The following HDAC4 variants were observed in gnomAD, a reference collection of about 807,000 sequenced individuals.
HDAC4 encodes the protein histone deacetylase 4, also known as histone deacetylase A.
A neutral mutation model predicts 135.1 loss-of-function variants in HDAC4; 16 were observed. The observed-to-expected ratio is 0.12, with a 90% CI of 0.08 to 0.18. The LOEUF is 0.18. HDAC4 is among the 10% of genes least tolerant of loss of function. The pLI, the probability that HDAC4 is intolerant of heterozygous loss-of-function variation, is 1.00. For synonymous variants in HDAC4, 685 were observed against 653.4 expected, an observed-to-expected ratio of 1.05 and a Z score of -0.74; for missense variants, 1,143 against 1,511.8, an observed-to-expected ratio of 0.76 and a Z score of 4.05.
chr2:239,136,553 C>T (rs2040969928), intron 9 of HDAC4, among the ~76,000 whole-genome samples: 1 of 152,196 alleles, frequency 6.6e-6, no homozygotes. Flanking sequence ...CTCTGCTCAA[C>T]TAAAAAGCTT....
intron 2 of HDAC4, among the ~76,000 whole-genome samples, chr2:239,264,524 C>A (rs899353319): frequency 2.6e-5 from 4 of 152,218 alleles, no homozygotes; most frequent in Non-Finnish European, 5.9e-5. Context: ...GGACAGCCAA[C>A]CACATGCGAC....
chr2:239,152,404 T>C (rs1042030238), intron 7 of HDAC4, among the ~76,000 whole-genome samples: 1 of 152,212 alleles, frequency 6.6e-6, no homozygotes, highest in African/African-American at 2.4e-5. Flanking sequence ...TGCACAGACA[T>C]GGGAAGGGAC....
At chr2:239,241,190 C>A (rs1430636269) in intron 2 of HDAC4, among the ~76,000 whole-genome samples, 1 of 152,084 alleles carries the variant, frequency 6.6e-6, no homozygotes, top group Non-Finnish European at 1.5e-5. Flanking sequence ...AATACCGACA[C>A]ACAAGAAAGG....
chr2:239,119,942 T>G (rs1575096848), intron 12 of HDAC4, among the ~76,000 whole-genome samples: 1 of 144,776 alleles, frequency 6.9e-6, no homozygotes, highest in African/African-American at 2.5e-5. Flanking sequence ...GACAGGAGAG[T>G]GAGCAGGAGG....
chr2:239,394,544 C>T (rs1696440943), intron 1 of HDAC4, among the ~76,000 whole-genome samples: 1 of 152,232 alleles, frequency 6.6e-6, no homozygotes, highest in Non-Finnish European at 1.5e-5. Flanking sequence ...GTGTTGAAGG[C>T]CCTTCTCCCT....
At chr2:239,153,944 T>A (rs1011375647) in intron 7 of HDAC4, among the ~76,000 whole-genome samples, 1 of 152,254 alleles carries the variant, frequency 6.6e-6, no homozygotes, top group African/African-American at 2.4e-5. Flanking sequence ...CCGTCTCCCA[T>A]GCTGATAGCC....
At chr2:239,205,017 TCC>T (rs1324530251) in intron 3 of HDAC4, among the ~76,000 whole-genome samples, 1 of 152,084 alleles carries the variant, frequency 6.6e-6, no homozygotes, top group Non-Finnish European at 1.5e-5. Flanking sequence ...CCTTCCCCCG[TCC>T]CCGAGCCGCC....
chr2:239,097,683 G>C (rs1312062648), intron 16 of HDAC4, among the ~76,000 whole-genome samples: 2 of 152,190 alleles, frequency 1.3e-5, no homozygotes, highest in Non-Finnish European at 1.5e-5. Flanking sequence ...GTGGGCAAGA[G>C]AGCTAGTGCG....
chr2:239,208,347 A>G (rs2046181009), intron 3 of HDAC4, among the ~76,000 whole-genome samples: 1 of 151,010 alleles, frequency 6.6e-6, no homozygotes, highest in Non-Finnish European at 1.5e-5. Flanking sequence ...AAAAAAAAAA[A>G]AAAAGAAAAC....
rs2052588178 is a variant in HDAC4, at chr2:239,306,452, C to G, written c.22+46226G>C. On this transcript the variant is annotated intron_variant, in intron 2 of 26. Transcript: ENST00000543185. The surrounding 1 kb of genome is among the most constrained non-coding windows in gnomAD (Gnocchi z 4.5). ...CTGCCCAGGTGCCAGCAAGGACTGA[C>G]TAATACCTGACCCAGGGCCAAGCTA... Among the ~76,000 whole-genome samples, 1 of 152,128 alleles carries G rather than the reference C, an allele frequency of 6.6e-6. No homozygotes were observed. Among genetic ancestry groups the G allele is most frequent in the South Asian group, 2.1e-4 (1 of 4,820 alleles).
intron 2 of HDAC4, among the ~76,000 whole-genome samples, chr2:239,347,518 CT>C (rs1015237096): frequency 6.6e-6 from 1 of 151,362 alleles, no homozygotes; most frequent in Non-Finnish European, 1.5e-5. Context: ...CCACAAAATC[CT>C]TTTTTTTTGT....
rs1465422402 is a variant in HDAC4 at position 239,310,634 on chromosome 2, C to T, written c.22+42044G>A. On this transcript the variant is annotated intron_variant, in intron 2 of 26. Transcript: ENST00000543185. ...TAAATGGCTTCAGGAGCTCCCCCCT[C>T]TGCCCCCCAGGGAGTAAAGGCAATG... Among the ~76,000 whole-genome samples the T allele has an allele frequency of 2.6e-5, 4 of 152,234 alleles. 1 individual carries two copies. Among genetic ancestry groups the T allele is most frequent in the Non-Finnish European group, 5.9e-5 (4 of 68,042 alleles).
intron 2 of HDAC4, among the ~76,000 whole-genome samples, chr2:239,332,382 C>T (rs892649078): frequency 2.6e-5 from 4 of 152,080 alleles, no homozygotes; most frequent in South Asian, 2.1e-4. Flanking sequence ...ACTGAAATTA[C>T]ATAAAATGAG....
In HDAC4 at chr2:239,081,184, T is replaced by C. The variant is rs140526832; in HGVS notation, c.2661A>G (p.Thr887=). ...TGACGTTGAAACCCACGCCGGGCCC[T>C]GTGCCCACCTGTGGCCAGAAGGAGA... ...PGSGAPDEVG[T]GPGVGFNVNM... Residue 887 remains threonine (T), a synonymous_variant, in exon 22 of 27, where the codon ACA becomes ACG. Transcript: ENST00000543185. The C allele has an allele frequency of 3.7e-5, 60 of 1,612,724 alleles. No homozygotes were observed. In the African/African-American group the frequency reaches 7.6e-4, roughly 20 times the overall value.
chr2:239,343,055 A>G (rs1325256339), intron 2 of HDAC4, among the ~76,000 whole-genome samples: 1 of 152,142 alleles, frequency 6.6e-6, no homozygotes. Flanking sequence ...AATGCGTATC[A>G]CTCCTGAAGG....
chr2:239,239,108 T>C (rs2048043645), intron 2 of HDAC4, among the ~76,000 whole-genome samples: 1 of 152,136 alleles, frequency 6.6e-6, no homozygotes, highest in African/African-American at 2.4e-5. Context: ...ATGATCCAGT[T>C]CCACTCTGAC....
intron 2 of HDAC4, among the ~76,000 whole-genome samples, chr2:239,292,276 G>A (rs1211880125): frequency 6.6e-6 from 1 of 152,244 alleles, no homozygotes; most frequent in African/African-American, 2.4e-5. Context: ...AGGGGACCCT[G>A]AGGTCACCTT....
intron 18 of HDAC4, among the ~76,000 whole-genome samples, chr2:239,088,094 C>T (rs1407039524): frequency 1.3e-5 from 2 of 152,246 alleles, no homozygotes; most frequent in Admixed American, 6.5e-5. Flanking sequence ...TCTGTCCTTA[C>T]TGCAGTTCAG....
chr2:239,260,148 C>G (rs1466269632), intron 2 of HDAC4, among the ~76,000 whole-genome samples: 2 of 152,188 alleles, frequency 1.3e-5, no homozygotes, highest in Admixed American at 6.5e-5. Context: ...TTGGGGTGTC[C>G]CATCCAACGG....
Sources: gnomAD v4.1 joint callset for allele counts (sites outside exome capture counted in the v4.1 genomes callset) on GRCh38, gnomAD v4.1.1 for gene constraint, Gnocchi (gnomAD v3.1) non-coding constraint, MANE v1.5 for transcripts, NCBI Gene and HGNC (gene_info 2026-07-23, HGNC 2026-07-21) for gene names.